Variants in NLRP5 observed in about 807,000 individuals in gnomAD.
NLRP5 encodes NACHT, LRR and PYD domains-containing protein 5.
NLRP5 carries 93 observed loss-of-function variants against 113.1 expected under a neutral mutation model. The ratio of observed to expected loss-of-function variants is 0.82; its 90% confidence interval spans 0.70 to 0.98. NLRP5 has a LOEUF of 0.98. Among genes scored for constraint, NLRP5 ranks in the 50% least tolerant of loss-of-function variants. NLRP5 has a pLI of 0.00. For synonymous variants in NLRP5, 751 were observed against 600.7 expected (o/e 1.25, Z -3.66); for missense variants, 1,808 against 1,514.3 (o/e 1.19, Z -3.22).
chr19:56,046,623 C>G (rs918252245), intron 11 of NLRP5, among the ~76,000 whole-genome samples: 1 of 152,060 alleles, frequency 6.6e-6, no homozygotes, highest in Non-Finnish European at 1.5e-5. Context: ...TCACTGCAAG[C>G]TCTGCCTCCC....
chr19:55,999,257 C>T (rs1178276709), upstream of NLRP5, among the ~76,000 whole-genome samples: 1 of 140,772 alleles, frequency 7.1e-6, no homozygotes, highest in African/African-American at 2.8e-5. Context: ...TCTTGTTGCC[C>T]AAGCTGGAGT....
chr19:56,012,053 A>G (rs566110699), intron 3 of NLRP5, among the ~76,000 whole-genome samples: 11 of 152,238 alleles, frequency 7.2e-5, no homozygotes, highest in Non-Finnish European at 1.6e-4. Context: ...GAATCTATTT[A>G]GTCTAATAGA....
intron 13 of NLRP5, 96 bp from the exon 14 acceptor site, chr19:56,058,144 C>G (rs1984224630): frequency 2.1e-6 from 2 of 961,444 alleles, no homozygotes; most frequent in Non-Finnish European, 3.0e-6. Context: ...GTTTTGTTTT[C>G]CCAAAGAAAA....
At chr19:56,033,148 G>T (rs1295974028) in intron 8 of NLRP5, among the ~76,000 whole-genome samples, 5 of 152,192 alleles carry the variant, frequency 3.3e-5, no homozygotes, top group African/African-American at 1.2e-4. Context: ...CTACTTGGGA[G>T]GCTGAGGCAG....
At chr19:56,030,711 CTTCTTTT>C (rs1381177684) in intron 7 of NLRP5, among the ~76,000 whole-genome samples, 2 of 47,766 alleles carry the variant, frequency 4.2e-5, no homozygotes, top group South Asian at 7.4e-4. Flanking sequence ...TCGCTTTCTT[CTTCTTTT>C]TTTTTTTTTT....
At chr19:56,021,745 C>G (rs1175593028) in intron 6 of NLRP5, among the ~76,000 whole-genome samples, 3 of 152,140 alleles carry the variant, frequency 2.0e-5, no homozygotes, top group Admixed American at 2.0e-4. Flanking sequence ...TTTTTTCTCA[C>G]TTTGGGGCTG....
the NLRP5 span, among the ~76,000 whole-genome samples, chr19:55,992,013 C>A: frequency 2.2e-4 from 33 of 151,864 alleles, 1 homozygote; most frequent in African/African-American, 7.2e-4. Context: ...CTGCTTCTCA[C>A]CCTCCTCCCA....
chr19:55,999,440 C>T (rs10412848), upstream of NLRP5, among the ~76,000 whole-genome samples: 93,272 of 151,642 alleles, frequency 0.62, 29,863 homozygotes, highest in African/African-American at 0.81. Flanking sequence ...GGTCTCGACC[C>T]CCTGACCTCA....
chr19:56,014,361 TC>T (rs1982324768), intron 3 of NLRP5, among the ~76,000 whole-genome samples: 1 of 151,746 alleles, frequency 6.6e-6, no homozygotes. Context: ...TTTCCTGTAG[TC>T]CCAGCTCCTT....
chr19:56,005,093 C>CAA (rs1163132309), intron 2 of NLRP5, among the ~76,000 whole-genome samples: 1,570 of 76,380 alleles, frequency 0.021, 52 homozygotes, highest in East Asian at 0.091. Flanking sequence ...GACTGTGTCT[C>CAA]AAAAAAAAAA....
intron 3 of NLRP5, among the ~76,000 whole-genome samples, chr19:56,013,689 C>T (rs937911226): frequency 7.4e-6 from 1 of 135,650 alleles, no homozygotes; most frequent in African/African-American, 2.8e-5. Context: ...TTCAGGGAGG[C>T]CTATACCTAG....
intron 3 of NLRP5, among the ~76,000 whole-genome samples, chr19:56,009,358 A>AAAAAAAAAAAAAAAAAAG (rs1271381720): frequency 4.7e-5 from 7 of 149,972 alleles, no homozygotes; most frequent in African/African-American, 1.7e-4. Context: ...AAAAAAAAAA[A>AAAAAAAAAAAAAAAAAAG]AGAGTTCTGT....
At chr19:55,990,771 G>A in the NLRP5 span, among the ~76,000 whole-genome samples, 3 of 152,162 alleles carry the variant, frequency 2.0e-5, no homozygotes, top group Non-Finnish European at 4.4e-5. Flanking sequence ...CTGGCAGTGA[G>A]CCGAGATGGT....
intron 7 of NLRP5, among the ~76,000 whole-genome samples, chr19:56,032,408 T>TC (rs896236885): frequency 4.4e-4 from 65 of 149,116 alleles, no homozygotes; most frequent in African/African-American, 1.6e-3. Flanking sequence ...GCATACCCCC[T>TC]CGGGTATCGG....
chr19:55,998,116 T>C (rs1436770725), upstream of NLRP5, among the ~76,000 whole-genome samples: 2 of 152,168 alleles, frequency 1.3e-5, no homozygotes, highest in Non-Finnish European at 2.9e-5. Flanking sequence ...CTTGCCTCTT[T>C]TAATGAAATT....
chr19:56,051,556 C>T (rs1279048759), intron 12 of NLRP5, among the ~76,000 whole-genome samples: 1 of 115,844 alleles, frequency 8.6e-6, no homozygotes, highest in East Asian at 2.7e-4. Context: ...TATCTAATCT[C>T]ATGTAGTCTC....
chr19:56,056,376 G>A (rs992196283), intron 13 of NLRP5, among the ~76,000 whole-genome samples: 2 of 152,170 alleles, frequency 1.3e-5, no homozygotes, highest in South Asian at 4.2e-4. Flanking sequence ...TGCCAACATA[G>A]GAAAACCCCA....
intron 9 of NLRP5, among the ~76,000 whole-genome samples, chr19:56,036,910 T>C (rs141118384): frequency 6.6e-6 from 1 of 152,214 alleles, no homozygotes; most frequent in African/African-American, 2.4e-5. Flanking sequence ...TGAGCCGAGA[T>C]TGCGCCACTG....
chr19:55,998,289 C>G (rs1013639956), upstream of NLRP5, among the ~76,000 whole-genome samples: 5 of 152,146 alleles, frequency 3.3e-5, no homozygotes, highest in African/African-American at 9.6e-5. Flanking sequence ...CCCAGGAGTT[C>G]AAGGCTATAT....
Sources: gnomAD v4.1 joint callset for allele counts (sites outside exome capture counted in the v4.1 genomes callset) on GRCh38, gnomAD v4.1.1 for gene constraint, MANE v1.5 for transcripts, NCBI Gene and HGNC (gene_info 2026-07-23, HGNC 2026-07-21) for gene names.